The following EHMT1 variants were observed in gnomAD, a reference collection of about 807,000 sequenced individuals.
The protein encoded by EHMT1 is histone-lysine N-methyltransferase EHMT1.
A neutral mutation model predicts 147.2 loss-of-function variants in EHMT1; 15 were observed. The observed-to-expected ratio is 0.10, with a 90% CI of 0.07 to 0.16. EHMT1 has a LOEUF of 0.16. Among genes scored for constraint, EHMT1 ranks in the 10% least tolerant of loss-of-function variants. The probability of loss-of-function intolerance (pLI) is 1.00; values close to 1 mark genes in which losing one functional copy is unlikely to be tolerated. For missense variants in EHMT1, 1,587 were observed against 1,772.4 expected (o/e 0.90, Z 1.88); for synonymous variants, 795 against 709.6 (o/e 1.12, Z -1.91).
Position 137,813,434 on chromosome 9 carries a change from C to G in EHMT1, c.3084C>G (p.Ala1028=). ...YERIPIPCVN[A]VDSEPCPSNY... is the part of the protein sequence containing the mutation. Reference sequence around the variant, plus strand: ...GCATCCCCATCCCCTGTGTCAACGCCGTGGACAGCGAGCCATGCCCCAGCA... The same window carrying G: ...GCATCCCCATCCCCTGTGTCAACGCGGTGGACAGCGAGCCATGCCCCAGCA... The change falls in exon 21 of 27, where the codon GCC becomes GCG. Residue 1028 remains alanine (A), a synonymous_variant. Coordinates refer to ENST00000460843, the MANE Select transcript of EHMT1 (RefSeq NM_024757.5). This position sits in a 1 kb window ranked among gnomAD's most constrained non-coding sequence, Gnocchi z 4.9. The G allele has an allele frequency of 6.2e-7, 1 of 1,613,722 alleles. No individual in the cohort carries two copies. The highest frequency in any genetic ancestry group is 8.5e-7 in the Non-Finnish European group (1 of 1,179,944).
intron 10 of EHMT1, among the ~76,000 whole-genome samples, chr9:137,773,399 G>A (rs1391753615): frequency 6.6e-6 from 1 of 151,762 alleles, no homozygotes; most frequent in African/African-American, 2.4e-5. Flanking sequence ...TTTGGGGTGG[G>A]GCCCAGACTG....
rs1452616595 is a variant in EHMT1 at position 137,744,074 on chromosome 9, C to G, written c.1154C>G (p.Ala385Gly). Residue 385 changes from alanine to glycine, a missense_variant, in exon 6 of 27, where the codon GCT becomes GGT. Physicochemically the swap from Ala to Gly is moderately conservative, Grantham distance 60. Transcript: ENST00000460843. ...ACTTCCAAGGAGAGCATGTCGGAGGCTGATCGCGCCCAGAAGGTATGTGTT... is the reference window on the plus strand; with the variant it reads ...ACTTCCAAGGAGAGCATGTCGGAGGGTGATCGCGCCCAGAAGGTATGTGTT... ...SRTSKESMSEADRAQKMDGES... is the reference protein window; with the variant it reads ...SRTSKESMSEGDRAQKMDGES... 1.9e-6 allele frequency: 3 copies of G among 1,614,138 alleles called. No individual in the cohort carries two copies. Among genetic ancestry groups the G allele is most frequent in the Middle Eastern group, 1.6e-4 (1 of 6,062 alleles).
chr9:137,814,207 C>T (rs1954743501), intron 21 of EHMT1: 2 of 634,380 alleles, frequency 3.2e-6, no homozygotes, highest in Admixed American at 2.3e-5. Context: ...CTGCCTGCCC[C>T]CTGTCCCTCT....
chr9:137,641,115 A>C (rs1018000104), intron 1 of EHMT1: 3 of 326,140 alleles, frequency 9.2e-6, no homozygotes, highest in Non-Finnish European at 1.8e-5. Flanking sequence ...CACTGTGATG[A>C]ATTTGGCCAA....
At chr9:137,635,266 G>C (rs1438765229) in intron 1 of EHMT1, among the ~76,000 whole-genome samples, 1 of 151,606 alleles carries the variant, frequency 6.6e-6, no homozygotes, top group East Asian at 2.0e-4. Flanking sequence ...GAGTGCAGTG[G>C]CGTGATCTCG....
At position 137,653,495 on chromosome 9, in the gene EHMT1, G is replaced by A. The variant is rs531441852; in HGVS notation, c.21+34446G>A. Among the ~76,000 whole-genome samples, 5 of 152,224 alleles carry A rather than the reference G, an allele frequency of 3.3e-5. No homozygotes were observed. In the South Asian group the frequency reaches 1.0e-3, roughly 32 times the overall value. Reference sequence around the variant, plus strand: ...CATAAAGCACCTAAGACAGTGCTTGGCACACGGGAAGACTAAGGGCTTGAT... The same window carrying A: ...CATAAAGCACCTAAGACAGTGCTTGACACACGGGAAGACTAAGGGCTTGAT... On this transcript the variant is annotated intron_variant, in intron 1 of 26. Transcript: ENST00000460843.
At chr9:137,804,274 C>T (rs1953747107) in intron 18 of EHMT1, among the ~76,000 whole-genome samples, 1 of 152,222 alleles carries the variant, frequency 6.6e-6, no homozygotes, top group Admixed American at 6.5e-5. Flanking sequence ...GCATCCTTCC[C>T]AACACTTAGC....
intron 16 of EHMT1, among the ~76,000 whole-genome samples, chr9:137,793,368 A>G (rs1308365815): frequency 6.6e-6 from 1 of 152,250 alleles, no homozygotes; most frequent in Admixed American, 6.5e-5. Flanking sequence ...GCCACCAGGG[A>G]AGCCAAATCA....
chr9:137,754,656 G>T (rs1949237082), intron 8 of EHMT1, among the ~76,000 whole-genome samples: 2 of 152,118 alleles, frequency 1.3e-5, no homozygotes, highest in South Asian at 4.1e-4. Context: ...GGGACTATAG[G>T]CGTGTGCCAT....
At chr9:137,715,893 G>A (rs1208044721) in intron 2 of EHMT1, 2 of 945,922 alleles carry the variant, frequency 2.1e-6, no homozygotes, top group African/African-American at 1.8e-5. Context: ...ACCAACTAAC[G>A]TTCAACGTTA....
intron 1 of EHMT1, among the ~76,000 whole-genome samples, chr9:137,678,759 G>A (rs1941649198): frequency 7.1e-6 from 1 of 140,178 alleles, no homozygotes; most frequent in Non-Finnish European, 1.5e-5. Context: ...CTCAGTCGGC[G>A]TCTTGTGATC....
Position 137,810,297 on chromosome 9 carries a change from C to T in EHMT1, c.2713-1164C>T, listed in dbSNP as rs868657131. ...TTCCGATGCCGCCCTGCGTGAAAGG[C>T]GCTCCTCGCACGGCGCCAACTGGAG... On this transcript the variant is annotated intron_variant, in intron 18 of 26. Coordinates refer to ENST00000460843, the MANE Select transcript of EHMT1 (RefSeq NM_024757.5). Among the ~76,000 whole-genome samples, 10 of 143,630 alleles carry T rather than the reference C, an allele frequency of 7.0e-5. No homozygotes were observed. In the South Asian group the frequency reaches 2.2e-3, roughly 31 times the overall value. 94.2% of individuals were successfully genotyped at this position (143,630 alleles called of 152,430 possible).
At chr9:137,631,675 A>G (rs1008067313) in intron 1 of EHMT1, among the ~76,000 whole-genome samples, 1 of 152,172 alleles carries the variant, frequency 6.6e-6, no homozygotes. Flanking sequence ...CAGGAGTTCA[A>G]GATCAGCCTG....
intron 1 of EHMT1, among the ~76,000 whole-genome samples, chr9:137,669,527 T>G (rs10867047): frequency 0.24 from 26,267 of 107,950 alleles, 2,593 homozygotes; most frequent in Admixed American, 0.42. Context: ...GCACGTGCAC[T>G]CGACTCCTCC....
At chr9:137,830,665 T>G (rs965130551) in intron 25 of EHMT1, among the ~76,000 whole-genome samples, 1 of 152,308 alleles carries the variant, frequency 6.6e-6, no homozygotes, top group South Asian at 2.1e-4. Flanking sequence ...ACATGTCCCA[T>G]GGAAGCTGGG....
At chr9:137,804,689 T>C (rs1276189027) in intron 18 of EHMT1, among the ~76,000 whole-genome samples, 1 of 152,246 alleles carries the variant, frequency 6.6e-6, no homozygotes, top group Non-Finnish European at 1.5e-5. Flanking sequence ...CATTTTCTTA[T>C]ACGAGTTTTA....
chr9:137,675,390 A>T (rs761576929), intron 1 of EHMT1, among the ~76,000 whole-genome samples: 23 of 148,764 alleles, frequency 1.5e-4, no homozygotes, highest in Non-Finnish European at 3.1e-4. Context: ...GGAGGCATAG[A>T]ATTTGGTGAC....
intron 4 of EHMT1, 21 bp downstream of exon 4, chr9:137,728,550 GTC>G (rs771583961): frequency 1.2e-6 from 2 of 1,613,846 alleles, no homozygotes; most frequent in Admixed American, 1.7e-5. Context: ...CCCGGCAACT[GTC>G]TCTGCTCTTT....
chr9:137,778,435 C>T (rs1951126461), intron 13 of EHMT1, among the ~76,000 whole-genome samples: 3 of 152,254 alleles, frequency 2.0e-5, no homozygotes, highest in African/African-American at 4.8e-5. Flanking sequence ...GGCCAAGGGG[C>T]CCTCCAGGCT....
Sources: allele counts gnomAD v4.1 joint callset (sites outside exome capture counted in the v4.1 genomes callset), GRCh38; gene constraint gnomAD v4.1.1; non-coding constraint Gnocchi (gnomAD v3.1); transcripts MANE v1.5; gene names NCBI Gene and HGNC (gene_info 2026-07-23, HGNC 2026-07-21).